PPP1R12B: variants seen among roughly 807,000 people sequenced by gnomAD.
PPP1R12B encodes protein phosphatase 1 regulatory subunit 12B, also known as myosin phosphatase target subunit 2.
A neutral mutation model predicts 126.1 loss-of-function variants in PPP1R12B; 76 were observed. The ratio of observed to expected loss-of-function variants is 0.60; its 90% confidence interval spans 0.50 to 0.73. PPP1R12B has a LOEUF of 0.73. Among genes scored for constraint, PPP1R12B ranks in the 30% least tolerant of loss-of-function variants. The pLI is 0.00. For missense variants in PPP1R12B, 1,052 were observed against 1,205.1 expected (o/e 0.87, Z 1.88); for synonymous variants, 356 against 434.7 (o/e 0.82, Z 2.25).
chr1:202,375,145 T>C (rs996672419), intron 1 of PPP1R12B, among the ~76,000 whole-genome samples: 1 of 151,876 alleles, frequency 6.6e-6, no homozygotes, highest in African/African-American at 2.4e-5. Context: ...GCTTTCACCA[T>C]GTTGGTCAGG....
At chr1:202,569,275 GC>G in intron 23 of PPP1R12B, 78 bp downstream of exon 23, 2 of 1,401,250 alleles carry the variant, frequency 1.4e-6, no homozygotes, top group Non-Finnish European at 2.0e-6. Flanking sequence ...GCATAGGCCT[GC>G]CCCCTCCAGA....
chr1:202,421,639 CA>C (rs573505484), intron 2 of PPP1R12B, among the ~76,000 whole-genome samples: 78 of 108,220 alleles, frequency 7.2e-4, no homozygotes, highest in East Asian at 2.2e-3. Flanking sequence ...GACTCTGTCT[CA>C]AAAAAAAAAA....
chr1:202,381,370 C>T (rs1417652701), intron 1 of PPP1R12B, among the ~76,000 whole-genome samples: 2 of 113,726 alleles, frequency 1.8e-5, no homozygotes, highest in African/African-American at 7.0e-5. Context: ...TATTGATGAG[C>T]GTGGGAGTGG....
In PPP1R12B at chr1:202,427,045, T is replaced by C; in HGVS notation, c.707T>C (p.Leu236Ser). 1 of 1,610,218 alleles carries C rather than the reference T, an allele frequency of 6.2e-7. No individual in the cohort carries two copies. Residue 236 changes from leucine to serine, a missense_variant, in exon 5 of 24, where the codon TTA (leucine) becomes TCA (serine). Transcript: ENST00000608999. ...GTTTTGGGTTTTCTTTTTAGACTTT[T>C]AATTCAGGCTGGCTATGAACTCAAT... ...AKGYSEVLRL[L>S]IQAGYELNVQ...
intron 8 of PPP1R12B, among the ~76,000 whole-genome samples, chr1:202,432,977 C>T (rs780713597): frequency 6.6e-6 from 1 of 152,192 alleles, no homozygotes; most frequent in Admixed American, 6.5e-5. Context: ...ATGTCTCAGT[C>T]TCTGAGGCTC....
At chr1:202,552,668 G>T (rs542931654) in intron 18 of PPP1R12B, among the ~76,000 whole-genome samples, 1 of 152,252 alleles carries the variant, frequency 6.6e-6, no homozygotes, top group South Asian at 2.1e-4. Flanking sequence ...TAGTACACAA[G>T]AACATAATAT....
Position 202,582,016 on chromosome 1 carries a change from A to G in PPP1R12B, c.*1456A>G, listed in dbSNP as rs1306649551. On this transcript the variant is annotated 3_prime_UTR_variant, in exon 24 of 24. Transcript: ENST00000608999. ...GTCAGGTAGCCTCTGGTGGCTATGCATTTATTACTCAAAAGTTGGGCAACT... is the reference window on the plus strand; with the variant it reads ...GTCAGGTAGCCTCTGGTGGCTATGCGTTTATTACTCAAAAGTTGGGCAACT... The G allele has an allele frequency of 6.6e-6, 1 of 152,140 alleles. No individual in the cohort carries two copies. Among genetic ancestry groups the G allele is most frequent in the Non-Finnish European group, 1.5e-5 (1 of 68,038 alleles). 9.4% of individuals were successfully genotyped at this position (152,140 alleles called of 1,614,324 possible).
intron 13 of PPP1R12B, among the ~76,000 whole-genome samples, chr1:202,454,143 A>G (rs1165544035): frequency 2.6e-5 from 4 of 152,242 alleles, no homozygotes; most frequent in Admixed American, 6.5e-5. Flanking sequence ...AAACTGCATT[A>G]TTAAATACCT....
At chr1:202,436,971 G>A (rs1670908475) in intron 9 of PPP1R12B, among the ~76,000 whole-genome samples, 1 of 152,044 alleles carries the variant, frequency 6.6e-6, no homozygotes, top group African/African-American at 2.4e-5. Flanking sequence ...TTTGAGTGGA[G>A]TGGCGTCTAG....
At chr1:202,562,221 ATGGTAG>A in intron 19 of PPP1R12B, among the ~76,000 whole-genome samples, 1 of 152,352 alleles carries the variant, frequency 6.6e-6, no homozygotes, top group African/African-American at 2.4e-5. Context: ...TATGGATAAG[ATGGTAG>A]AAAACTAGCT....
intron 18 of PPP1R12B, among the ~76,000 whole-genome samples, chr1:202,541,238 T>TTC (rs397749797): frequency 2.0e-5 from 3 of 151,362 alleles, no homozygotes; most frequent in African/African-American, 2.4e-5. Flanking sequence ...GGTTTTTTTT[T>TTC]CCCCCAATTA....
chr1:202,455,502 T>C (rs181877789), intron 13 of PPP1R12B, among the ~76,000 whole-genome samples: 1 of 152,342 alleles, frequency 6.6e-6, no homozygotes, highest in East Asian at 1.9e-4. Flanking sequence ...TTACTTAATA[T>C]AATGTTTTCA....
intron 12 of PPP1R12B, chr1:202,445,302 C>G (rs1192167588): frequency 8.8e-7 from 1 of 1,139,910 alleles, no homozygotes; most frequent in East Asian, 3.2e-5. Flanking sequence ...GAAATTTGAA[C>G]CAAAGAGACT....
intron 2 of PPP1R12B, chr1:202,417,230 T>C: frequency 2.0e-6 from 2 of 985,426 alleles, no homozygotes; most frequent in Non-Finnish European, 2.4e-6. Context: ...TGGGCACGTA[T>C]ACAGGCAGGC....
At chr1:202,500,235 C>CTT (rs1036740613) in intron 18 of PPP1R12B, among the ~76,000 whole-genome samples, 2 of 151,914 alleles carry the variant, frequency 1.3e-5, no homozygotes, top group Non-Finnish European at 2.9e-5. Context: ...CTCTCTCTCT[C>CTT]TCTCTCTCTC....
chr1:202,439,623 A>G (rs2293552), intron 10 of PPP1R12B: 2 of 900,596 alleles, frequency 2.2e-6, no homozygotes, highest in Non-Finnish European at 3.6e-6. Context: ...CCTGTGCTCC[A>G]TAACTCCCCC....
chr1:202,580,823 T>TG lies in PPP1R12B; in HGVS notation c.*267dup. On this transcript the variant is annotated 3_prime_UTR_variant, in exon 24 of 24. Transcript: ENST00000608999. ...AATTCGAGCCATCTGGAGAATGCTCTGGGGAGTACACCAGGCTCAGCTGTG... is the reference window on the plus strand; with the variant it reads ...AATTCGAGCCATCTGGAGAATGCTCTGGGGGAGTACACCAGGCTCAGCTGTG... 2.4e-6 allele frequency: 1 copy of TG among 409,648 alleles called. No homozygotes were observed. Among genetic ancestry groups the TG allele is most frequent in the South Asian group, 2.5e-5 (1 of 39,794 alleles). 25.4% of individuals were successfully genotyped at this position (409,648 alleles called of 1,614,324 possible). A position where few individuals can be genotyped will look rare whatever the true frequency, so the allele number is the denominator to read the frequency against.
intron 1 of PPP1R12B, among the ~76,000 whole-genome samples, chr1:202,378,079 C>G (rs559197705): frequency 1.3e-5 from 2 of 151,698 alleles, no homozygotes; most frequent in Admixed American, 1.3e-4. Flanking sequence ...ACCTCGTGAT[C>G]CGCCCGCCTC....
chr1:202,509,017 T>C (rs1166521764), intron 18 of PPP1R12B, among the ~76,000 whole-genome samples: 1 of 152,272 alleles, frequency 6.6e-6, no homozygotes, highest in Non-Finnish European at 1.5e-5. Context: ...GGAGTGACTA[T>C]GTTCCAATAA....
Sources: allele counts gnomAD v4.1 joint callset (sites outside exome capture counted in the v4.1 genomes callset), GRCh38; gene constraint gnomAD v4.1.1; transcripts MANE v1.5; gene names NCBI Gene and HGNC (gene_info 2026-07-23, HGNC 2026-07-21).